Variants in MRTFB observed in about 807,000 individuals in gnomAD.
The protein encoded by MRTFB is myocardin-related transcription factor B.
Under a neutral mutation model 104.2 loss-of-function variants are expected in MRTFB, and 29 were observed. The observed-to-expected ratio is 0.28, with a 90% CI of 0.21 to 0.38. The LOEUF is 0.38. Ranked by LOEUF, MRTFB falls within the 10% of genes least tolerant of loss-of-function variation. The probability of loss-of-function intolerance (pLI) is 1.00; values close to 1 mark genes in which losing one functional copy is unlikely to be tolerated. For synonymous variants in MRTFB, 535 were observed against 519.5 expected (o/e 1.03, Z -0.41); for missense variants, 1,270 against 1,341.6 (o/e 0.95, Z 0.83).
chr16:14,062,078 TG>T, the MRTFB span, among the ~76,000 whole-genome samples: 1 of 114,832 alleles, frequency 8.7e-6, no homozygotes. Context: ...ACCCAGATTT[TG>T]TTTTGTTTTG....
chr16:14,186,921 G>A, intron 3 of MRTFB: 3 of 1,598,064 alleles, frequency 1.9e-6, no homozygotes, highest in Non-Finnish European at 2.5e-6. Context: ...CACCATGATC[G>A]ATAGCTCCAA....
intron 6 of MRTFB, chr16:14,214,743 A>T (rs768437455): frequency 6.6e-6 from 1 of 152,240 alleles, no homozygotes; most frequent in Non-Finnish European, 1.5e-5. Context: ...CTGCTATGAT[A>T]GAGAAAAAAC....
At chr16:14,059,176 G>A in the MRTFB span, among the ~76,000 whole-genome samples, 2 of 152,026 alleles carry the variant, frequency 1.3e-5, no homozygotes. Flanking sequence ...GATCAAATCA[G>A]GGTATTAACA....
chr16:14,093,896 A>G (rs1270882553), intron 2 of MRTFB, among the ~76,000 whole-genome samples: 1 of 152,224 alleles, frequency 6.6e-6, no homozygotes, highest in African/African-American at 2.4e-5. Flanking sequence ...GGCACCCCTT[A>G]TCAGCTCCTG....
At chr16:14,096,949 C>G (rs1028779624) in intron 2 of MRTFB, among the ~76,000 whole-genome samples, 1 of 152,224 alleles carries the variant, frequency 6.6e-6, no homozygotes, top group African/African-American at 2.4e-5. Context: ...GGTTTCAAGA[C>G]ATACCTCTCA....
intron 3 of MRTFB, among the ~76,000 whole-genome samples, chr16:14,176,204 C>G (rs1395992842): frequency 1.3e-5 from 2 of 152,102 alleles, no homozygotes; most frequent in Non-Finnish European, 2.9e-5. Flanking sequence ...TATCAACTAG[C>G]CTGGACTGCT....
intron 2 of MRTFB, among the ~76,000 whole-genome samples, chr16:14,088,317 C>G (rs1263371360): frequency 6.6e-6 from 1 of 152,116 alleles, no homozygotes; most frequent in Non-Finnish European, 1.5e-5. Flanking sequence ...GTAATTACCC[C>G]AGTTTTAAAG....
rs564123952 is a variant in MRTFB at position 14,169,277 on chromosome 16, G to A, written c.154+28517G>A. 3.9e-5 allele frequency among the ~76,000 whole-genome samples: 6 copies of A among 152,244 alleles called. No homozygotes were observed. The East Asian group carries it at 9.6e-4, about 24-fold the overall frequency. ...GTTTGCTTAAAATGTCCTTATTTGA[G>A]TAGGAACAAATTATCCATGCTTCTC... On this transcript the variant is annotated intron_variant, in intron 3 of 16. Coordinates refer to ENST00000571589, the MANE Select transcript of MRTFB (RefSeq NM_001308142.2).
At chr16:14,005,009 C>G in the MRTFB span, among the ~76,000 whole-genome samples, 3 of 152,236 alleles carry the variant, frequency 2.0e-5, no homozygotes, top group African/African-American at 7.2e-5. Context: ...ATCCAACTCT[C>G]TGTGCTCCAG....
At chr16:14,223,468 G>A (rs1469489732) in intron 8 of MRTFB, among the ~76,000 whole-genome samples, 2 of 151,918 alleles carry the variant, frequency 1.3e-5, no homozygotes, top group African/African-American at 4.8e-5. Flanking sequence ...AGAAAACATG[G>A]ACAACAAACT....
At chr16:14,093,669 A>T (rs2035208474) in intron 2 of MRTFB, among the ~76,000 whole-genome samples, 1 of 152,216 alleles carries the variant, frequency 6.6e-6, no homozygotes, top group African/African-American at 2.4e-5. Context: ...TATCTAATAG[A>T]CTAAAACTTT....
At chr16:14,119,157 G>A (rs954693622) in intron 2 of MRTFB, among the ~76,000 whole-genome samples, 2 of 152,188 alleles carry the variant, frequency 1.3e-5, no homozygotes, top group Admixed American at 1.3e-4. Context: ...ACTAGACCAG[G>A]ATTAGAGAAG....
rs756955961 is a variant in MRTFB, at chr16:14,260,915, C to T, written c.2771C>T (p.Ser924Phe). Residue 924 changes from serine to phenylalanine, a missense_variant, in exon 17 of 17, where the codon TCC (serine) becomes TTC (phenylalanine). Coordinates refer to ENST00000571589, the MANE Select transcript of MRTFB (RefSeq NM_001308142.2). The part of the protein sequence containing the change: ...FDILIKSGEI[S>F]LPIKEEPSPI... ...CTTCATTTATTTTACACAGAGATCT[C>T]CCTCCCCATAAAAGAAGAACCTTCT... The T allele has an allele frequency of 6.2e-7, 1 of 1,600,256 alleles. No individual in the cohort carries two copies. The highest frequency in any genetic ancestry group is 8.5e-7 in the Non-Finnish European group (1 of 1,172,758).
At chr16:14,042,659 T>G in the MRTFB span, among the ~76,000 whole-genome samples, 1 of 152,194 alleles carries the variant, frequency 6.6e-6, no homozygotes, top group Non-Finnish European at 1.5e-5. Flanking sequence ...ATAAGTTCCC[T>G]GGCCTTTAAA....
chr16:14,207,129 A>T (rs2040982840), intron 3 of MRTFB, among the ~76,000 whole-genome samples: 1 of 152,170 alleles, frequency 6.6e-6, no homozygotes, highest in Non-Finnish European at 1.5e-5. Flanking sequence ...AAATAAATGA[A>T]TGTGCCTGGG....
chr16:14,191,748 A>G (rs1350352969), intron 3 of MRTFB: 1 of 152,204 alleles, frequency 6.6e-6, no homozygotes, highest in Non-Finnish European at 1.5e-5. Context: ...ATGTAATGCC[A>G]TGGTGCCCCG....
chr16:14,089,030 C>G (rs559650892), intron 2 of MRTFB, among the ~76,000 whole-genome samples: 7 of 152,226 alleles, frequency 4.6e-5, no homozygotes, highest in Admixed American at 4.6e-4. Context: ...ATTATTTCCT[C>G]ATTTGAACAG....
intron 10 of MRTFB, among the ~76,000 whole-genome samples, chr16:14,243,092 A>G (rs2042847205): frequency 6.6e-6 from 1 of 152,216 alleles, no homozygotes; most frequent in South Asian, 2.1e-4. Flanking sequence ...ACAATAATGA[A>G]TGAAAATAAG....
the MRTFB span, among the ~76,000 whole-genome samples, chr16:14,028,512 C>T: frequency 1.3e-5 from 2 of 152,306 alleles, no homozygotes; most frequent in African/African-American, 2.4e-5. Context: ...CCCCACTGTT[C>T]TATTCTGGCC....
Sources: allele counts gnomAD v4.1 joint callset (sites outside exome capture counted in the v4.1 genomes callset), GRCh38; gene constraint gnomAD v4.1.1; transcripts MANE v1.5; gene names NCBI Gene and HGNC (gene_info 2026-07-23, HGNC 2026-07-21).